FHOD3: variants seen among roughly 807,000 people sequenced by gnomAD.
The protein encoded by FHOD3 is formin homology 2 domain containing 3.
In FHOD3, 90 loss-of-function variants were observed where a neutral mutation model predicts 173.0. The ratio of observed to expected loss-of-function variants is 0.52; its 90% CI spans 0.44 to 0.62. The LOEUF is 0.62. Among genes scored for constraint, FHOD3 ranks in the 20% least tolerant of loss-of-function variants. The pLI, the probability that FHOD3 is intolerant of heterozygous loss-of-function variation, is 0.00. For missense variants in FHOD3, 1,945 were observed against 2,034.7 expected, an observed-to-expected ratio of 0.96 and a Z score of 0.85; for synonymous variants, 828 against 823.0, an observed-to-expected ratio of 1.01 and a Z score of -0.10.
chr18:36,514,197 G>T (rs1004881368), intron 5 of FHOD3, among the ~76,000 whole-genome samples: 13 of 151,802 alleles, frequency 8.6e-5, no homozygotes, highest in African/African-American at 1.5e-4. Context: ...TTTTAGTAGA[G>T]ACGGGGTTTC....
intron 5 of FHOD3, among the ~76,000 whole-genome samples, chr18:36,534,214 C>A (rs961125880): frequency 1.3e-5 from 2 of 152,210 alleles, no homozygotes; most frequent in African/African-American, 4.8e-5. Flanking sequence ...TGCTGCTTCT[C>A]CTATGTGGTT....
intron 28 of FHOD3, among the ~76,000 whole-genome samples, chr18:36,771,050 C>T (rs1050036193): frequency 1.3e-5 from 2 of 152,136 alleles, no homozygotes; most frequent in Non-Finnish European, 2.9e-5. Flanking sequence ...TTCCTATATT[C>T]TCACTGCTAC....
At chr18:36,730,622 G>A in intron 19 of FHOD3, 24 bp from the exon 20 acceptor site, 1 of 1,606,432 alleles carries the variant, frequency 6.2e-7, no homozygotes, top group Non-Finnish European at 8.5e-7. Context: ...CATTAATCTT[G>A]GATTCTCCTT....
chr18:36,474,986 T>TAC (rs3056805), intron 3 of FHOD3, among the ~76,000 whole-genome samples: 9,014 of 107,848 alleles, frequency 0.084, 338 homozygotes, highest in Non-Finnish European at 0.1. Context: ...AATACACACA[T>TAC]ACACACACAC....
intron 3 of FHOD3, among the ~76,000 whole-genome samples, chr18:36,403,757 A>G (rs1299309030): frequency 6.6e-6 from 1 of 152,240 alleles, no homozygotes; most frequent in Non-Finnish European, 1.5e-5. Flanking sequence ...TCGTAACTGT[A>G]TTGGGATACC....
intron 5 of FHOD3, among the ~76,000 whole-genome samples, chr18:36,567,966 T>A (rs1418647539): frequency 3.3e-5 from 5 of 151,962 alleles, no homozygotes; most frequent in African/African-American, 1.2e-4. Context: ...CTAGCTATAG[T>A]CATGGAAATT....
At chr18:36,615,011 C>T (rs567582799) in intron 9 of FHOD3, among the ~76,000 whole-genome samples, 1 of 152,084 alleles carries the variant, frequency 6.6e-6, no homozygotes, top group South Asian at 2.1e-4. Flanking sequence ...CCACCACGCC[C>T]AGCTAATTTT....
At chr18:36,488,433 G>GGCCT (rs2054298599) in intron 3 of FHOD3, among the ~76,000 whole-genome samples, 1 of 152,166 alleles carries the variant, frequency 6.6e-6, no homozygotes, top group African/African-American at 2.4e-5. Context: ...GCCCAGCTGG[G>GGCCT]GCCTGTCTGA....
intron 28 of FHOD3, among the ~76,000 whole-genome samples, chr18:36,773,478 C>T (rs2043486124): frequency 1.3e-5 from 2 of 152,216 alleles, no homozygotes; most frequent in South Asian, 4.1e-4. Flanking sequence ...TTTCCATGCT[C>T]AGGAATGCAC....
chr18:36,422,123 C>G (rs2050017971), intron 3 of FHOD3, among the ~76,000 whole-genome samples: 1 of 152,190 alleles, frequency 6.6e-6, no homozygotes, highest in Non-Finnish European at 1.5e-5. Flanking sequence ...CGACTTTGCT[C>G]TCTGCTTCCT....
intron 1 of FHOD3, among the ~76,000 whole-genome samples, chr18:36,343,584 C>T (rs2045734242): frequency 6.6e-6 from 1 of 152,042 alleles, no homozygotes; most frequent in South Asian, 2.1e-4. Context: ...TTTTTCCATG[C>T]AAGAGCTGGC....
At chr18:36,663,730 T>C (rs1184301987) in intron 14 of FHOD3, among the ~76,000 whole-genome samples, 1 of 152,248 alleles carries the variant, frequency 6.6e-6, no homozygotes, top group African/African-American at 2.4e-5. Context: ...GGTTTCTGTT[T>C]CCATGCATTT....
At chr18:36,766,451 C>G (rs1413229595) in intron 27 of FHOD3, among the ~76,000 whole-genome samples, 1 of 152,206 alleles carries the variant, frequency 6.6e-6, no homozygotes, top group Admixed American at 6.5e-5. Context: ...TCCACCACAT[C>G]TCAAATGTCT....
chr18:36,741,430 C>A (rs1443237852), intron 21 of FHOD3, among the ~76,000 whole-genome samples: 1 of 152,078 alleles, frequency 6.6e-6, no homozygotes, highest in East Asian at 1.9e-4. Flanking sequence ...GGAAAGTGAA[C>A]TGTGTGGGAT....
chr18:36,493,213 CTTTTTTTTTT>C (rs60189688), intron 3 of FHOD3, among the ~76,000 whole-genome samples: 1 of 138,160 alleles, frequency 7.2e-6, no homozygotes, highest in African/African-American at 2.7e-5. Flanking sequence ...TTTTCTTTTT[CTTTTTTTTTT>C]TTTTTTTTAC....
chr18:36,453,768 C>A (rs927777452), intron 3 of FHOD3, among the ~76,000 whole-genome samples: 1 of 152,034 alleles, frequency 6.6e-6, no homozygotes, highest in African/African-American at 2.4e-5. Flanking sequence ...GCAAAGAAGC[C>A]GGCACTGCAC....
Position 36,662,046 on chromosome 18 carries a change from T to G in FHOD3, c.1835+3858T>G, listed in dbSNP as rs931487582. ...TAAATGTTTTCTTTGTGAAAGAAAA[T>G]AAAACTACAGGAATATTTGAACTAT... On this transcript the variant is annotated intron_variant, in intron 14 of 28. Transcript: ENST00000590592. Among the ~76,000 whole-genome samples, 9 of 152,294 alleles carry G rather than the reference T, an allele frequency of 5.9e-5. No homozygotes were observed. In the East Asian group the frequency reaches 1.7e-3, roughly 29 times the overall value.
In FHOD3 at chr18:36,501,952, G is replaced by A. The variant is rs371092594; in HGVS notation, c.358G>A (p.Gly120Arg). The A allele has an allele frequency of 6.0e-5, 97 of 1,604,486 alleles. No homozygotes were observed. Among genetic ancestry groups the A allele is most frequent in the East Asian group, 1.1e-4 (5 of 44,606 alleles). The change falls in exon 4 of 29, where the codon GGA becomes AGA. Residue 120 changes from glycine (G) to arginine (R), a missense_variant. Transcript: ENST00000590592. ...TTCAGAAAAACTATACAACTCCAGC[G>A]GACGAGATTTGAGAAGGGCCCTCTT... ...ACIEKLYNSSGRDLRRALFSL... is the reference protein window; with the variant it reads ...ACIEKLYNSSRRDLRRALFSL...
chr18:36,558,735 T>G (rs1357172781), intron 5 of FHOD3, among the ~76,000 whole-genome samples: 1 of 152,164 alleles, frequency 6.6e-6, no homozygotes, highest in East Asian at 1.9e-4. Flanking sequence ...TAAATGACAG[T>G]TTCTAAGATT....
Sources: gnomAD v4.1 joint callset for allele counts (sites outside exome capture counted in the v4.1 genomes callset) on GRCh38, gnomAD v4.1.1 for gene constraint, MANE v1.5 for transcripts, NCBI Gene and HGNC (gene_info 2026-07-23, HGNC 2026-07-21) for gene names.